Variants in USP15 observed in about 807,000 individuals in gnomAD.
USP15 encodes the protein ubiquitin specific peptidase 15, also known as ubiquitin carboxyl-terminal hydrolase 15.
USP15 carries 18 observed loss-of-function variants against 127.1 expected under a neutral mutation model. The observed-to-expected ratio is 0.14, with a 90% confidence interval of 0.10 to 0.21. The LOEUF (loss-of-function observed/expected upper bound fraction) is 0.21, where lower values mean the gene tolerates loss of function less well. Among genes scored for constraint, USP15 ranks in the 10% least tolerant of loss-of-function variants. USP15 has a pLI of 1.00. For missense variants in USP15, 805 were observed against 1,159.9 expected, an observed-to-expected ratio of 0.69 and a Z score of 4.44; for synonymous variants, 364 against 393.7, an observed-to-expected ratio of 0.92 and a Z score of 0.89.
At chr12:62,375,397 T>G (rs2066794667) in intron 8 of USP15, among the ~76,000 whole-genome samples, 1 of 152,112 alleles carries the variant, frequency 6.6e-6, no homozygotes, top group Admixed American at 6.6e-5. Context: ...CTGCTCTAAG[T>G]CTCTCTAAGG....
At chr12:62,293,722 C>G (rs2064044835) in intron 1 of USP15, among the ~76,000 whole-genome samples, 1 of 152,170 alleles carries the variant, frequency 6.6e-6, no homozygotes. Context: ...TCTTGAACCT[C>G]TCTCTCTGAT....
At chr12:62,264,095 C>G (rs2063139246) in intron 1 of USP15, among the ~76,000 whole-genome samples, 1 of 152,140 alleles carries the variant, frequency 6.6e-6, no homozygotes, top group South Asian at 2.1e-4. Flanking sequence ...AGTGATCCTC[C>G]CACCTCAGCC....
chr12:62,378,519 T>G (rs1393943772), intron 8 of USP15, among the ~76,000 whole-genome samples: 2 of 152,196 alleles, frequency 1.3e-5, no homozygotes, highest in African/African-American at 4.8e-5. Flanking sequence ...CACAGGCAAA[T>G]TATCATTAAA....
rs534954744 is a variant in USP15, at chr12:62,310,155, A to T, written c.349-4635A>T. 1.4e-4 allele frequency among the ~76,000 whole-genome samples: 22 copies of T among 152,052 alleles called. 2 individuals are homozygous for T. In the South Asian group the frequency reaches 4.6e-3, roughly 31 times the overall value. The stretch of plus-strand genomic sequence containing the variant: ...ATAGGGAAACCAGTTTTTTATTGGC[A>T]ACAAATAAAGTTTATTTTTATTTGT... On this transcript the variant is annotated intron_variant, in intron 3 of 21. Transcript: ENST00000280377.
chr12:62,320,336 G>A (rs982832384), intron 4 of USP15, among the ~76,000 whole-genome samples: 2 of 152,120 alleles, frequency 1.3e-5, no homozygotes, highest in Admixed American at 6.6e-5. Flanking sequence ...ATGATAAGAT[G>A]TGCTTGCTTC....
chr12:62,358,674 C>A (rs192197275), intron 8 of USP15, among the ~76,000 whole-genome samples: 1 of 152,036 alleles, frequency 6.6e-6, no homozygotes, highest in Non-Finnish European at 1.5e-5. Context: ...CAAGATTACA[C>A]CATTACACTC....
Position 62,316,187 on chromosome 12 carries a change from G to C in USP15, c.475+1271G>C, listed in dbSNP as rs540940613. Among the ~76,000 whole-genome samples the C allele has an allele frequency of 4.6e-5, 7 of 151,366 alleles. No individual in the cohort carries two copies. The South Asian group carries it at 1.0e-3, about 23-fold the overall frequency. ...TGTAGTCCCAGCTACTTGGGAGGCT[G>C]AGGCAAAAAAATTGCTTGAACCGGG... On this transcript the variant is annotated intron_variant, in intron 4 of 21. Coordinates refer to ENST00000280377, the MANE Select transcript of USP15 (RefSeq NM_001252078.2).
chr12:62,335,584 G>A lies in USP15; in HGVS notation c.683+9651G>A, dbSNP rs892378228. On this transcript the variant is annotated intron_variant, in intron 6 of 21. Coordinates refer to ENST00000280377, the MANE Select transcript of USP15 (RefSeq NM_001252078.2). The stretch of plus-strand genomic sequence containing the variant: ...TGCCTAGCATAGTGCCACACATATG[G>A]TAAACACCAGTTTATTATTTTTATT... 8 of 1,012,670 alleles carry A rather than the reference G, an allele frequency of 7.9e-6. No individual in the cohort carries two copies. The African/African-American group carries it at 1.0e-4, about 13-fold the overall frequency. The allele number at this position is 1,012,670 out of a possible 1,614,324, so 62.7% of individuals were successfully genotyped here. A position where few individuals can be genotyped will look rare whatever the true frequency, so the allele number is the denominator to read the frequency against.
chr12:62,391,949 T>C (rs1328126901), intron 17 of USP15, 63 bp downstream of exon 17: 4 of 1,431,202 alleles, frequency 2.8e-6, no homozygotes, highest in Non-Finnish European at 3.8e-6. Flanking sequence ...TTACCAGAGA[T>C]AATCATACTG....
intron 20 of USP15, among the ~76,000 whole-genome samples, chr12:62,399,213 A>G (rs2067597102): frequency 6.6e-6 from 1 of 152,194 alleles, no homozygotes; most frequent in Admixed American, 6.5e-5. Flanking sequence ...TAGATTTAAG[A>G]AAGGATACAG....
At chr12:62,301,542 T>A (rs1162678239) in intron 2 of USP15, among the ~76,000 whole-genome samples, 2 of 152,150 alleles carry the variant, frequency 1.3e-5, no homozygotes, top group African/African-American at 4.8e-5. Flanking sequence ...AAAACATGGA[T>A]AGATCTCAAA....
Position 62,381,535 on chromosome 12 carries a change from A to G in USP15, c.961A>G (p.Lys321Glu). ...PPLTEYFLNDKYQEELNFDNP... is the reference protein window; with the variant it reads ...PPLTEYFLNDEYQEELNFDNP... Reference sequence around the variant, plus strand: ...ACTTACTGAGTATTTCCTCAATGATAAGTATCAAGAAGAACTGAATTTTGA... The same window carrying G: ...ACTTACTGAGTATTTCCTCAATGATGAGTATCAAGAAGAACTGAATTTTGA... Residue 321 changes from lysine to glutamate, a missense_variant, in exon 9 of 22, where the codon AAG becomes GAG. Coordinates refer to ENST00000280377, the MANE Select transcript of USP15 (RefSeq NM_001252078.2). 6.2e-7 allele frequency: 1 copy of G among 1,612,698 alleles called. No individual in the cohort carries two copies. The highest frequency in any genetic ancestry group is 2.2e-5 in the East Asian group (1 of 44,848).
At chr12:62,346,404 C>G (rs906703169) in intron 6 of USP15, among the ~76,000 whole-genome samples, 7 of 152,220 alleles carry the variant, frequency 4.6e-5, no homozygotes, top group Non-Finnish European at 1.0e-4. Context: ...TGCCAATATC[C>G]ACTCAGTGAA....
intron 6 of USP15, among the ~76,000 whole-genome samples, chr12:62,329,487 T>G (rs1008724558): frequency 7.9e-5 from 12 of 152,314 alleles, no homozygotes; most frequent in Non-Finnish European, 1.6e-4. Context: ...AATTAAAGAT[T>G]TCTGTTAAAA....
intron 1 of USP15, among the ~76,000 whole-genome samples, chr12:62,286,192 A>C (rs898540957): frequency 6.6e-6 from 1 of 152,198 alleles, no homozygotes; most frequent in African/African-American, 2.4e-5. Context: ...TTAATAAGAA[A>C]AAAAACGCCC....
At chr12:62,376,266 T>G (rs1364838249) in intron 8 of USP15, among the ~76,000 whole-genome samples, 1 of 152,134 alleles carries the variant, frequency 6.6e-6, no homozygotes, top group African/African-American at 2.4e-5. Context: ...TATAAATTTT[T>G]TTCTTTTTCT....
chr12:62,393,726 A>G (rs541622925), intron 19 of USP15: 11 of 152,466 alleles, frequency 7.2e-5, no homozygotes, highest in African/African-American at 2.6e-4. Context: ...AGTAACTGGG[A>G]TTATAGCCAC....
chr12:62,364,358 A>G (rs1041145885), intron 8 of USP15, among the ~76,000 whole-genome samples: 1 of 152,196 alleles, frequency 6.6e-6, no homozygotes, highest in African/African-American at 2.4e-5. Context: ...GGAGATCATC[A>G]ATTCAGAATA....
chr12:62,263,724 A>G (rs2063125310), intron 1 of USP15, among the ~76,000 whole-genome samples: 1 of 152,222 alleles, frequency 6.6e-6, no homozygotes, highest in Non-Finnish European at 1.5e-5. Flanking sequence ...TCTCAAAATG[A>G]TATTTGTTGA....
Sources: gnomAD v4.1 joint callset for allele counts (sites outside exome capture counted in the v4.1 genomes callset) on GRCh38, gnomAD v4.1.1 for gene constraint, MANE v1.5 for transcripts, NCBI Gene and HGNC (gene_info 2026-07-23, HGNC 2026-07-21) for gene names.